The following VAC14 variants were observed in gnomAD, a reference collection of about 807,000 sequenced individuals.
VAC14 encodes VAC14 component of PIKFYVE complex.
In VAC14, 47 loss-of-function variants were observed where a neutral mutation model predicts 85.3. The ratio of observed to expected loss-of-function variants is 0.55; its 90% CI spans 0.44 to 0.70. The LOEUF (loss-of-function observed/expected upper bound fraction) is 0.70, where lower values mean the gene tolerates loss of function less well. VAC14 is among the 30% of genes least tolerant of loss of function. The pLI is 0.00. For synonymous variants in VAC14, 447 were observed against 430.5 expected, an observed-to-expected ratio of 1.04 and a Z score of -0.47; for missense variants, 861 against 1,004.3, an observed-to-expected ratio of 0.86 and a Z score of 1.93.
At chr16:70,788,444 T>C (rs946899166) in intron 1 of VAC14, among the ~76,000 whole-genome samples, 5 of 152,184 alleles carry the variant, frequency 3.3e-5, no homozygotes, top group African/African-American at 1.2e-4. Context: ...GCCCCTTGCT[T>C]TCGTCTTTAT....
At position 70,725,218 on chromosome 16, in the gene VAC14, G is replaced by A. The variant is rs79037941; in HGVS notation, c.1661+6277C>T. On this transcript the variant is annotated intron_variant, in intron 14 of 18. Coordinates refer to ENST00000261776, the MANE Select transcript of VAC14 (RefSeq NM_018052.5). ...GCACAAAGACTCACAGAGTGAGGAGGGGGTCCCGATGCCAAATGGACTCGA... is the reference window on the plus strand; with the variant it reads ...GCACAAAGACTCACAGAGTGAGGAGAGGGTCCCGATGCCAAATGGACTCGA... 3.2e-3 allele frequency among the ~76,000 whole-genome samples: 492 copies of A among 152,336 alleles called. 2 individuals are homozygous for A. The highest frequency in any genetic ancestry group is 0.011 in the African/African-American group (453 of 41,576).
chr16:70,767,947 C>T (rs1265647100), intron 10 of VAC14, among the ~76,000 whole-genome samples: 1 of 152,140 alleles, frequency 6.6e-6, no homozygotes, highest in East Asian at 1.9e-4. Flanking sequence ...TGCAGTGGTA[C>T]AATCATGACT....
At chr16:70,745,530 CGCGT>C (rs780223484) in intron 12 of VAC14, among the ~76,000 whole-genome samples, 11 of 149,892 alleles carry the variant, frequency 7.3e-5, no homozygotes, top group Admixed American at 5.3e-4. Flanking sequence ...CGCGTGTGCG[CGCGT>C]GTGCCTGTGT....
At position 70,698,868 on chromosome 16, in the gene VAC14, TC is replaced by T. The variant is rs2053766499; in HGVS notation, c.1662-58del. The T allele has an allele frequency of 9.5e-6, 15 of 1,574,518 alleles. No homozygotes were observed. The South Asian group carries it at 1.7e-4, about 18-fold the overall frequency. On this transcript the variant is annotated intron_variant, in intron 14 of 18. Transcript: ENST00000261776. ...AGGCCGACCTGGAAGGCTCTGTGTC[TC>T]AGCCTGGGAGGCCTCCTCTTGGTTT...
Position 70,697,274 on chromosome 16 carries a change from A to G in VAC14, c.1837-17T>C. ...CTGGCTCTCCTGTGGGGGAACAGGC[A>G]TGAGCCGTGAGGACACGCCTGCTCC... On this transcript the variant is annotated splice_polypyrimidine_tract_variant and intron_variant, in intron 15 of 18. Transcript: ENST00000261776. 3 of 1,604,426 alleles carry G rather than the reference A, an allele frequency of 1.9e-6. No homozygotes were observed. Among genetic ancestry groups the G allele is most frequent in the Non-Finnish European group, 8.5e-7 (1 of 1,171,824 alleles).
intron 12 of VAC14, among the ~76,000 whole-genome samples, chr16:70,756,381 C>T (rs776681422): frequency 6.6e-6 from 1 of 152,194 alleles, no homozygotes; most frequent in Non-Finnish European, 1.5e-5. Flanking sequence ...GATCTCTGAA[C>T]CTCCTGAGTT....
chr16:70,692,946 C>T lies in VAC14; in HGVS notation c.2061G>A (p.Val687=), dbSNP rs1161224445. 6.2e-7 allele frequency: 1 copy of T among 1,611,178 alleles called. No individual in the cohort carries two copies. The highest frequency in any genetic ancestry group is 8.5e-7 in the Non-Finnish European group (1 of 1,179,450). ...CCTTGATCAGGTAGGGGTTGTTCTT[C>T]ACGTCCAGCAGCTGCAGGCGCAGAT... is the stretch of plus-strand genomic sequence containing the variant. The part of the protein sequence containing the change: ...FTYLRLQLLD[V]KNNPYLIKAL... Residue 687 remains valine, a synonymous_variant, in exon 18 of 19, where the codon GTG becomes GTA. Transcript: ENST00000261776.
intron 18 of VAC14, 125 bp downstream of exon 18, chr16:70,692,696 A>C: frequency 7.4e-7 from 1 of 1,354,044 alleles, no homozygotes; most frequent in African/African-American, 1.5e-5. Context: ...TCACAGTGAC[A>C]AAAGGGGTGG....
At chr16:70,796,644 G>A (rs188098496) in intron 1 of VAC14, among the ~76,000 whole-genome samples, 8 of 152,274 alleles carry the variant, frequency 5.3e-5, no homozygotes, top group Admixed American at 3.3e-4. Context: ...ATAGGGCAGC[G>A]ATGCAAAATA....
At chr16:70,767,611 G>A (rs1434879556) in intron 10 of VAC14, among the ~76,000 whole-genome samples, 1 of 152,130 alleles carries the variant, frequency 6.6e-6, no homozygotes, top group Non-Finnish European at 1.5e-5. Context: ...AGTTAGGGAG[G>A]CCAACTGCAA....
chr16:70,771,396 C>G (rs2033210948), intron 10 of VAC14: 1 of 152,130 alleles, frequency 6.6e-6, no homozygotes, highest in South Asian at 2.1e-4. Flanking sequence ...GAACAGACTT[C>G]CCCTTGTGGG....
chr16:70,764,440 C>T (rs772829227), intron 10 of VAC14, among the ~76,000 whole-genome samples: 2 of 152,246 alleles, frequency 1.3e-5, no homozygotes, highest in African/African-American at 2.4e-5. Flanking sequence ...CTGAGACAGA[C>T]GGGGACAGTA....
chr16:70,713,392 A>G (rs1345842647), intron 14 of VAC14, among the ~76,000 whole-genome samples: 3 of 152,220 alleles, frequency 2.0e-5, no homozygotes, highest in Admixed American at 6.5e-5. Flanking sequence ...CCTGAAGACC[A>G]CCATTCTGGG....
chr16:70,766,578 C>T (rs550562238), intron 10 of VAC14: 9 of 455,774 alleles, frequency 2.0e-5, no homozygotes, highest in Middle Eastern at 3.3e-4. Flanking sequence ...CTTCAAGGTA[C>T]GGATGAGCAA....
intron 12 of VAC14, among the ~76,000 whole-genome samples, chr16:70,758,498 C>CA (rs2032051114): frequency 6.6e-6 from 1 of 152,212 alleles, no homozygotes; most frequent in African/African-American, 2.4e-5. Context: ...CTGAGAGTTC[C>CA]AAAAGCAGGC....
intron 12 of VAC14, among the ~76,000 whole-genome samples, chr16:70,761,693 G>A (rs2032400274): frequency 6.6e-6 from 1 of 152,178 alleles, no homozygotes; most frequent in Admixed American, 6.5e-5. Context: ...TCTCTCAGAG[G>A]GCTCACTCCT....
Position 70,801,070 on chromosome 16 carries a change from C to G in VAC14, c.-170G>C. Reference sequence around the variant, plus strand: ...CTCGCCCTGGAACCCGGGCCCGGACCCCGCTCCAGCACACCTGACCCTGGC... The same window carrying G: ...CTCGCCCTGGAACCCGGGCCCGGACGCCGCTCCAGCACACCTGACCCTGGC... On this transcript the variant is annotated 5_prime_UTR_variant, in exon 1 of 19. Coordinates refer to ENST00000261776, the MANE Select transcript of VAC14 (RefSeq NM_018052.5). 1 of 482,540 alleles carries G rather than the reference C, an allele frequency of 2.1e-6. No individual in the cohort carries two copies. The highest frequency in any genetic ancestry group is 3.6e-6 in the Non-Finnish European group (1 of 277,754). 29.9% of individuals were successfully genotyped at this position (482,540 alleles called of 1,614,324 possible). A position where few individuals can be genotyped will look rare whatever the true frequency, so the allele number is the denominator to read the frequency against.
At chr16:70,706,357 C>T (rs193217258) in intron 14 of VAC14, among the ~76,000 whole-genome samples, 33 of 152,314 alleles carry the variant, frequency 2.2e-4, no homozygotes, top group Admixed American at 1.7e-3. Flanking sequence ...TAGGACTGGG[C>T]AAACCAGCAG....
intron 13 of VAC14, among the ~76,000 whole-genome samples, chr16:70,741,823 C>T (rs2030342293): frequency 6.6e-6 from 1 of 152,238 alleles, no homozygotes; most frequent in Non-Finnish European, 1.5e-5. Context: ...TCGTTCATGG[C>T]CTGCCTATCT....
Sources: gnomAD v4.1 joint callset for allele counts (sites outside exome capture counted in the v4.1 genomes callset) on GRCh38, gnomAD v4.1.1 for gene constraint, MANE v1.5 for transcripts, NCBI Gene and HGNC (gene_info 2026-07-23, HGNC 2026-07-21) for gene names.